Variants in LRRTM4 observed in about 807,000 individuals in gnomAD.
The protein encoded by LRRTM4 is leucine-rich repeat transmembrane neuronal protein 4.
Under a neutral mutation model 47.6 loss-of-function variants are expected in LRRTM4, and 25 were observed. That is an observed-to-expected ratio of 0.53 (90% CI 0.38 to 0.73). The LOEUF is 0.73. LRRTM4 is among the 30% of genes least tolerant of loss of function. The pLI is 0.00. For synonymous variants in LRRTM4, 311 were observed against 269.5 expected (o/e 1.15, Z -1.51); for missense variants, 638 against 713.4 (o/e 0.89, Z 1.20).
At chr2:77,007,481 A>G (rs976475466) in intron 3 of LRRTM4, among the ~76,000 whole-genome samples, 1 of 152,196 alleles carries the variant, frequency 6.6e-6, no homozygotes, top group South Asian at 2.1e-4. Context: ...GAAAGCAATG[A>G]AAGTCTATAC....
At chr2:77,420,810 T>C (rs1321041010) in intron 3 of LRRTM4, among the ~76,000 whole-genome samples, 1 of 146,076 alleles carries the variant, frequency 6.8e-6, no homozygotes, top group Non-Finnish European at 1.5e-5. Context: ...ATATATAATA[T>C]ATAATATATT....
chr2:77,024,670 A>G (rs914888529), intron 3 of LRRTM4, among the ~76,000 whole-genome samples: 2 of 152,114 alleles, frequency 1.3e-5, no homozygotes, highest in African/African-American at 4.8e-5. Context: ...AACTTATTTT[A>G]CTCACTTAAC....
chr2:77,132,101 CT>C (rs1671817571), intron 3 of LRRTM4, among the ~76,000 whole-genome samples: 1 of 152,110 alleles, frequency 6.6e-6, no homozygotes, highest in South Asian at 2.1e-4. Context: ...ATTATTCTAT[CT>C]AACTGTACAT....
intron 3 of LRRTM4, among the ~76,000 whole-genome samples, chr2:76,930,808 G>C (rs1371300098): frequency 6.6e-6 from 1 of 152,072 alleles, no homozygotes; most frequent in Non-Finnish European, 1.5e-5. Context: ...AATTGCCTAG[G>C]AGGTACAATG....
At chr2:77,514,069 CAT>C (rs3980203) in intron 3 of LRRTM4, among the ~76,000 whole-genome samples, 5 of 151,742 alleles carry the variant, frequency 3.3e-5, no homozygotes, top group South Asian at 2.1e-4. Flanking sequence ...CACACACACA[CAT>C]ATATATATAC....
intron 3 of LRRTM4, among the ~76,000 whole-genome samples, chr2:77,052,940 A>G (rs945284757): frequency 1.3e-5 from 2 of 152,110 alleles, no homozygotes; most frequent in African/African-American, 4.8e-5. Context: ...AGGCCCATTC[A>G]ATAATTCTTG....
At chr2:76,862,626 C>G (rs573822572) in intron 3 of LRRTM4, among the ~76,000 whole-genome samples, 1 of 152,192 alleles carries the variant, frequency 6.6e-6, no homozygotes, top group Non-Finnish European at 1.5e-5. Flanking sequence ...AAATATCTCA[C>G]ACACGCGTGC....
At chr2:77,025,836 T>G (rs868724056) in intron 3 of LRRTM4, among the ~76,000 whole-genome samples, 4 of 152,184 alleles carry the variant, frequency 2.6e-5, no homozygotes, top group African/African-American at 4.8e-5. Context: ...TGCCATTTTA[T>G]CAACAGTTAT....
At chr2:77,132,462 C>T (rs1412884826) in intron 3 of LRRTM4, among the ~76,000 whole-genome samples, 1 of 152,090 alleles carries the variant, frequency 6.6e-6, no homozygotes, top group Non-Finnish European at 1.5e-5. Flanking sequence ...CATGGTAGTG[C>T]AGGTATCAAA....
intron 3 of LRRTM4, among the ~76,000 whole-genome samples, chr2:77,049,155 T>TATATAC (rs1553377463): frequency 4.8e-5 from 6 of 125,800 alleles, no homozygotes; most frequent in African/African-American, 1.9e-4. Context: ...TATATATATA[T>TATATAC]ATACACACAC....
At chr2:77,378,233 G>A (rs947609440) in intron 3 of LRRTM4, among the ~76,000 whole-genome samples, 3 of 151,646 alleles carry the variant, frequency 2.0e-5, no homozygotes, top group East Asian at 1.9e-4. Context: ...TCTGGGGTAC[G>A]AATTAGTCTC....
chr2:77,080,836 C>T lies in LRRTM4; in HGVS notation c.1552-331920G>A, dbSNP rs142338400. 3.3e-5 allele frequency among the ~76,000 whole-genome samples: 5 copies of T among 152,202 alleles called. No homozygotes were observed. In the East Asian group the frequency reaches 9.7e-4, roughly 29 times the overall value. On this transcript the variant is annotated intron_variant, in intron 3 of 3. Transcript: ENST00000409884. ...CTATAAAGCCTTCTGTGCTTAGCGCCCAGTTATTTCTCCTTTACTATTACT... is the reference window on the plus strand; with the variant it reads ...CTATAAAGCCTTCTGTGCTTAGCGCTCAGTTATTTCTCCTTTACTATTACT...
At chr2:76,776,926 G>A (rs1454355499) in intron 3 of LRRTM4, among the ~76,000 whole-genome samples, 38 of 135,144 alleles carry the variant, frequency 2.8e-4, no homozygotes, top group African/African-American at 1.0e-3. Context: ...ATCTTGAATT[G>A]ATTTTTGTAT....
chr2:76,836,688 T>G (rs1165751410), intron 3 of LRRTM4, among the ~76,000 whole-genome samples: 1 of 152,118 alleles, frequency 6.6e-6, no homozygotes, highest in African/African-American at 2.4e-5. Flanking sequence ...TCAGAGATGT[T>G]AATTATTTTC....
At chr2:76,887,678 T>C (rs1450819637) in intron 3 of LRRTM4, among the ~76,000 whole-genome samples, 1 of 132,564 alleles carries the variant, frequency 7.5e-6, no homozygotes, top group Non-Finnish European at 1.6e-5. Context: ...TATATATATG[T>C]GCACATATGT....
At chr2:77,432,724 T>A (rs570769678) in intron 3 of LRRTM4, among the ~76,000 whole-genome samples, 37 of 152,332 alleles carry the variant, frequency 2.4e-4, no homozygotes, top group African/African-American at 8.7e-4. Flanking sequence ...ATATGTTATA[T>A]GTGTGTATAT....
intron 3 of LRRTM4, among the ~76,000 whole-genome samples, chr2:76,955,859 G>C (rs1404125974): frequency 6.6e-6 from 1 of 151,740 alleles, no homozygotes; most frequent in African/African-American, 2.4e-5. Flanking sequence ...ACGAAAAATA[G>C]TTATTAGTTA....
At chr2:77,485,312 C>T (rs938446749) in intron 3 of LRRTM4, among the ~76,000 whole-genome samples, 2 of 152,062 alleles carry the variant, frequency 1.3e-5, no homozygotes, top group South Asian at 4.1e-4. Flanking sequence ...GAAGGCATCA[C>T]AAAGTCACAG....
chr2:77,266,255 C>T (rs1676046496), intron 3 of LRRTM4, among the ~76,000 whole-genome samples: 1 of 151,952 alleles, frequency 6.6e-6, no homozygotes, highest in South Asian at 2.1e-4. Context: ...AGTAGAGAGA[C>T]ACAATAAAGG....
Sources: gnomAD v4.1 joint callset for allele counts (sites outside exome capture counted in the v4.1 genomes callset) on GRCh38, gnomAD v4.1.1 for gene constraint, MANE v1.5 for transcripts, NCBI Gene and HGNC (gene_info 2026-07-23, HGNC 2026-07-21) for gene names.